The following TMEM132C variants were observed in gnomAD, a reference collection of about 807,000 sequenced individuals.
TMEM132C encodes transmembrane protein 132C.
In TMEM132C, 29 loss-of-function variants were observed where a neutral mutation model predicts 61.4. The observed-to-expected ratio is 0.47, with a 90% CI of 0.35 to 0.64. The LOEUF (loss-of-function observed/expected upper bound fraction) is 0.64, where lower values mean the gene tolerates loss of function less well. TMEM132C is among the 30% of genes least tolerant of loss of function. TMEM132C has a pLI of 0.00. For synonymous variants in TMEM132C, 656 were observed against 633.1 expected, an observed-to-expected ratio of 1.04 and a Z score of -0.54; for missense variants, 1,408 against 1,476.9, an observed-to-expected ratio of 0.95 and a Z score of 0.76.
At chr12:128,364,295 C>G (rs1261997802) in intron 1 of TMEM132C, among the ~76,000 whole-genome samples, 1 of 142,384 alleles carries the variant, frequency 7.0e-6, no homozygotes, top group Admixed American at 7.1e-5. Flanking sequence ...CTATCTTTCT[C>G]TCTCTCTCTC....
At chr12:128,378,307 G>A (rs1377007738) in intron 1 of TMEM132C, among the ~76,000 whole-genome samples, 4 of 151,842 alleles carry the variant, frequency 2.6e-5, no homozygotes, top group Non-Finnish European at 5.9e-5. Context: ...TAGTAGAGAC[G>A]GGGTTTGACC....
intron 3 of TMEM132C, among the ~76,000 whole-genome samples, chr12:128,571,923 C>T (rs1016405061): frequency 1.3e-5 from 2 of 152,254 alleles, no homozygotes; most frequent in African/African-American, 4.8e-5. Context: ...ACTGCTCCTC[C>T]ACTGTTCACA....
chr12:128,678,873 G>A (rs1315860505), intron 5 of TMEM132C, among the ~76,000 whole-genome samples: 1 of 152,214 alleles, frequency 6.6e-6, no homozygotes, highest in Non-Finnish European at 1.5e-5. Flanking sequence ...CCAGTCTCCT[G>A]TGGGAGGACG....
chr12:128,682,543 C>A (rs1954644256), intron 5 of TMEM132C, among the ~76,000 whole-genome samples: 1 of 152,230 alleles, frequency 6.6e-6, no homozygotes, highest in Admixed American at 6.5e-5. Flanking sequence ...CCTGCATTGT[C>A]TGTGAGAGGC....
In TMEM132C at chr12:128,361,993, A is replaced by G. The variant is rs908887918; in HGVS notation, c.86-52739A>G. Reference sequence around the variant, plus strand: ...AGCAGCCTGCTAGAGAGAGCCAGGAACAAGCAGGTTGGGGGACTCGGAGTT... The same window carrying G: ...AGCAGCCTGCTAGAGAGAGCCAGGAGCAAGCAGGTTGGGGGACTCGGAGTT... On this transcript the variant is annotated intron_variant, in intron 1 of 8. Transcript: ENST00000435159. Among the ~76,000 whole-genome samples the G allele has an allele frequency of 3.3e-5, 5 of 152,086 alleles. No individual in the cohort carries two copies. In the South Asian group the frequency reaches 1.0e-3, roughly 32 times the overall value.
intron 2 of TMEM132C, among the ~76,000 whole-genome samples, chr12:128,529,421 C>T (rs1381669346): frequency 6.6e-6 from 1 of 152,150 alleles, no homozygotes; most frequent in African/African-American, 2.4e-5. Context: ...AGACAAGTGA[C>T]TTAGTATTTC....
chr12:128,536,419 A>G (rs1014978699), intron 2 of TMEM132C, among the ~76,000 whole-genome samples: 2 of 152,160 alleles, frequency 1.3e-5, no homozygotes, highest in African/African-American at 4.8e-5. Context: ...GAGGGATAGC[A>G]TTAGGAGATA....
At position 128,602,793 on chromosome 12, in the gene TMEM132C, G is replaced by A. The variant is rs147827633; in HGVS notation, c.1122-13359G>A. Among the ~76,000 whole-genome samples the A allele has an allele frequency of 2.5e-3, 378 of 152,306 alleles. 2 individuals are homozygous for A. Among genetic ancestry groups the A allele is most frequent in the African/African-American group, 8.9e-3 (368 of 41,568 alleles). On this transcript the variant is annotated intron_variant, in intron 3 of 8. Transcript: ENST00000435159. ...GCTTTAACGTCCTGGGGATTAGGGT[G>A]GCTTCCTCTGAGTTCCTCTCTGCCT...
At chr12:128,455,168 G>A (rs774461666) in intron 2 of TMEM132C, among the ~76,000 whole-genome samples, 4 of 152,196 alleles carry the variant, frequency 2.6e-5, no homozygotes, top group Non-Finnish European at 5.9e-5. Context: ...CTCCAAGCAA[G>A]CTCAAGAGAA....
chr12:128,392,035 C>G (rs1874779215), intron 1 of TMEM132C, among the ~76,000 whole-genome samples: 1 of 149,144 alleles, frequency 6.7e-6, no homozygotes, highest in South Asian at 2.2e-4. Context: ...CCCCCACCCT[C>G]TGCTCTCTCT....
intron 5 of TMEM132C, among the ~76,000 whole-genome samples, chr12:128,688,095 G>T (rs1954691508): frequency 6.6e-6 from 1 of 152,218 alleles, no homozygotes; most frequent in African/African-American, 2.4e-5. Flanking sequence ...AGAGGTTCCG[G>T]ACTACTACTG....
At chr12:128,286,713 A>C (rs918146006) in intron 1 of TMEM132C, among the ~76,000 whole-genome samples, 1 of 151,308 alleles carries the variant, frequency 6.6e-6, no homozygotes, top group African/African-American at 2.4e-5. Flanking sequence ...GTTTGGGCAC[A>C]CAGTCACCTG....
intron 2 of TMEM132C, among the ~76,000 whole-genome samples, chr12:128,515,778 T>C (rs1048461878): frequency 1.2e-3 from 174 of 151,224 alleles, no homozygotes; most frequent in African/African-American, 4.0e-3. Flanking sequence ...GAGTTTGCAG[T>C]GAGCCGAGAT....
At chr12:128,343,168 G>C (rs965212154) in intron 1 of TMEM132C, among the ~76,000 whole-genome samples, 5 of 152,170 alleles carry the variant, frequency 3.3e-5, no homozygotes, top group African/African-American at 1.2e-4. Context: ...GCTCATGCCT[G>C]TAATCCCAGC....
chr12:128,545,632 C>T (rs1359358263), intron 3 of TMEM132C, among the ~76,000 whole-genome samples: 2 of 152,204 alleles, frequency 1.3e-5, no homozygotes, highest in Non-Finnish European at 2.9e-5. Flanking sequence ...TATTTTTTGA[C>T]TTTTCAATAA....
At chr12:128,594,424 C>G (rs973444278) in intron 3 of TMEM132C, among the ~76,000 whole-genome samples, 2 of 140,142 alleles carry the variant, frequency 1.4e-5, no homozygotes, top group African/African-American at 2.6e-5. Context: ...TGTTTTGTGG[C>G]TGCTGTGCCC....
intron 3 of TMEM132C, among the ~76,000 whole-genome samples, chr12:128,555,020 G>A (rs948331839): frequency 6.6e-6 from 1 of 152,004 alleles, no homozygotes; most frequent in Non-Finnish European, 1.5e-5. Flanking sequence ...CCCCTCCCTG[G>A]AACAGAAGCA....
chr12:128,515,055 T>A (rs1593081820), intron 2 of TMEM132C, among the ~76,000 whole-genome samples: 1 of 152,250 alleles, frequency 6.6e-6, no homozygotes, highest in East Asian at 1.9e-4. Context: ...ACCATGGAGA[T>A]AACTCGATCC....
At chr12:128,680,857 A>G (rs764991132) in intron 5 of TMEM132C, among the ~76,000 whole-genome samples, 2 of 152,186 alleles carry the variant, frequency 1.3e-5, no homozygotes, top group South Asian at 4.1e-4. Flanking sequence ...CTTGAGCCAA[A>G]TAGGGCTCCA....
Sources: allele counts gnomAD v4.1 joint callset (sites outside exome capture counted in the v4.1 genomes callset), GRCh38; gene constraint gnomAD v4.1.1; transcripts MANE v1.5; gene names NCBI Gene and HGNC (gene_info 2026-07-23, HGNC 2026-07-21).